The following NMU variants were observed in gnomAD, a reference collection of about 807,000 sequenced individuals.
NMU encodes the protein neuromedin U.
In NMU, 29 loss-of-function variants were observed where a neutral mutation model predicts 35.4. That is an observed-to-expected ratio of 0.82 (90% confidence interval 0.61 to 1.12). The LOEUF is 1.12. Among genes scored for constraint, NMU ranks in the 50% most tolerant of loss-of-function variants. NMU has a pLI of 0.00. For synonymous variants in NMU, 78 were observed against 81.3 expected (o/e 0.96, Z 0.22); for missense variants, 199 against 206.2 (o/e 0.97, Z 0.21).
chr4:55,609,228 T>G, intron 3 of NMU, 49 bp from the exon 4 acceptor site: 1 of 1,425,540 alleles, frequency 7.0e-7, no homozygotes, highest in Non-Finnish European at 9.9e-7. Flanking sequence ...TTTAACGACA[T>G]TTACATAGAA....
At chr4:55,603,953 A>ATG (rs1733545548) in intron 7 of NMU, among the ~76,000 whole-genome samples, 1 of 116,646 alleles carries the variant, frequency 8.6e-6, no homozygotes, top group Admixed American at 8.7e-5. Context: ...ATATGTATAT[A>ATG]TGTGTATATA....
chr4:55,633,211 G>A (rs1715712581), intron 1 of NMU, among the ~76,000 whole-genome samples: 1 of 151,856 alleles, frequency 6.6e-6, no homozygotes, highest in Non-Finnish European at 1.5e-5. Context: ...TGTAGTCCCA[G>A]CTATTCGGGA....
chr4:55,628,489 T>C (rs1024418210), intron 2 of NMU, among the ~76,000 whole-genome samples: 1 of 151,284 alleles, frequency 6.6e-6, no homozygotes, highest in African/African-American at 2.4e-5. Flanking sequence ...GCCATTATTA[T>C]TATTATTATT....
intron 9 of NMU, among the ~76,000 whole-genome samples, chr4:55,597,646 G>T (rs762097324): frequency 2.0e-5 from 3 of 152,148 alleles, no homozygotes; most frequent in Non-Finnish European, 4.4e-5. Context: ...GATTACAGGC[G>T]TGAGCCACCG....
intron 7 of NMU, 110 bp from the exon 8 acceptor site, chr4:55,600,685 CAT>C: frequency 1.3e-6 from 1 of 786,148 alleles, no homozygotes; most frequent in Middle Eastern, 2.5e-4. Context: ...CATAACTAAA[CAT>C]AGAGGGAATC....
chr4:55,619,767 C>T (rs906578241), intron 2 of NMU, among the ~76,000 whole-genome samples: 1 of 146,378 alleles, frequency 6.8e-6, no homozygotes, highest in African/African-American at 2.5e-5. Flanking sequence ...GTGTCCCTGT[C>T]TGACAGCTTT....
chr4:55,632,799 G>A (rs1278834975), intron 1 of NMU, among the ~76,000 whole-genome samples: 1 of 152,060 alleles, frequency 6.6e-6, no homozygotes, highest in Non-Finnish European at 1.5e-5. Context: ...ACTGTGTTCA[G>A]ACACACCGCC....
chr4:55,635,942 A>C, intron 1 of NMU, 139 bp downstream of exon 1: 1 of 1,455,506 alleles, frequency 6.9e-7, no homozygotes. Context: ...GGAGGCGGGA[A>C]ACCCCGCGGC....
At chr4:55,600,913 G>C (rs1560511843) in intron 7 of NMU, among the ~76,000 whole-genome samples, 1 of 152,030 alleles carries the variant, frequency 6.6e-6, no homozygotes. Context: ...TCAGCATTTT[G>C]TTAGAATGAA....
At chr4:55,610,355 C>T (rs1213070938) in intron 3 of NMU, among the ~76,000 whole-genome samples, 1 of 151,142 alleles carries the variant, frequency 6.6e-6, no homozygotes, top group Non-Finnish European at 1.5e-5. Context: ...TCCAGCTACT[C>T]GGGAGGCTGA....
At chr4:55,636,516 T>C (rs1715939311), upstream of NMU, 4 of 303,064 alleles carry the variant, frequency 1.3e-5, no homozygotes, top group African/African-American at 2.2e-5. The surrounding 1 kb of genome is among the most constrained non-coding windows in gnomAD (Gnocchi z 4.0). Flanking sequence ...ATAAAGAGAA[T>C]GGAATTTAAA....
chr4:55,613,858 C>A (rs1284984582), intron 3 of NMU, among the ~76,000 whole-genome samples: 1 of 152,174 alleles, frequency 6.6e-6, no homozygotes, highest in East Asian at 1.9e-4. Context: ...CTCCACCACC[C>A]CTGCTGATAG....
chr4:55,636,370 G>A (rs1020235079), upstream of NMU: 6 of 960,140 alleles, frequency 6.2e-6, no homozygotes, highest in African/African-American at 8.7e-5. The surrounding 1 kb of genome is among the most constrained non-coding windows in gnomAD (Gnocchi z 4.0). Context: ...CCCGCCGCGC[G>A]TCACCTCGCC....
chr4:55,607,154 A>C (rs2110190867), intron 6 of NMU, 144 bp downstream of exon 6: 4 of 627,068 alleles, frequency 6.4e-6, no homozygotes, highest in South Asian at 4.0e-5. Flanking sequence ...ATGTATAATA[A>C]ATATTGAATT....
chr4:55,611,082 C>A (rs1044508484), intron 3 of NMU, among the ~76,000 whole-genome samples: 6 of 151,884 alleles, frequency 4.0e-5, no homozygotes, highest in African/African-American at 1.2e-4. Context: ...AAAAAGTTGG[C>A]CAGGAACGGT....
upstream of NMU, chr4:55,636,408 C>T (rs892950942): frequency 6.3e-6 from 4 of 636,252 alleles, no homozygotes; most frequent in East Asian, 1.4e-4. The surrounding 1 kb of genome is among the most constrained non-coding windows in gnomAD (Gnocchi z 4.0). Context: ...TACCTCGCCT[C>T]ACCCCGCCCC....
chr4:55,634,196 G>A (rs80004205), intron 1 of NMU, among the ~76,000 whole-genome samples: 9,920 of 151,956 alleles, frequency 0.065, 642 homozygotes, highest in East Asian at 0.33. Flanking sequence ...TGTATGTCAC[G>A]CCCCCCTCGG....
At chr4:55,598,082 G>T (rs1733265681) in intron 9 of NMU, among the ~76,000 whole-genome samples, 1 of 125,708 alleles carries the variant, frequency 8.0e-6, no homozygotes. Flanking sequence ...TTGTTGTTTT[G>T]GTTGTGGTTT....
At chr4:55,595,643 A>ATATATT (rs1258986050) in intron 9 of NMU, among the ~76,000 whole-genome samples, 18 of 66,416 alleles carry the variant, frequency 2.7e-4, no homozygotes, top group African/African-American at 4.4e-4. Flanking sequence ...ATATATATAT[A>ATATATT]TTTTTTTTTT....
Sources: gnomAD v4.1 joint callset for allele counts (sites outside exome capture counted in the v4.1 genomes callset) on GRCh38, gnomAD v4.1.1 for gene constraint, Gnocchi (gnomAD v3.1) non-coding constraint, MANE v1.5 for transcripts, NCBI Gene and HGNC (gene_info 2026-07-23, HGNC 2026-07-21) for gene names.